KBTBD12: variants seen among roughly 807,000 people sequenced by gnomAD.
KBTBD12 encodes the protein kelch repeat and BTB domain-containing protein 12.
Under a neutral mutation model 58.7 loss-of-function variants are expected in KBTBD12, and 53 were observed. The observed-to-expected ratio is 0.90, with a 90% CI of 0.72 to 1.14. The LOEUF is 1.14. Among genes scored for constraint, KBTBD12 ranks in the 50% most tolerant of loss-of-function variants. KBTBD12 has a pLI of 0.00. For missense variants in KBTBD12, 704 were observed against 751.3 expected (o/e 0.94, Z 0.74); for synonymous variants, 236 against 259.8 (o/e 0.91, Z 0.88).
chr3:127,923,103 C>T lies in KBTBD12; in HGVS notation c.42C>T (p.Ser14=). Residue 14 remains serine, a synonymous_variant, in exon 2 of 6, where the codon AGC becomes AGT. Coordinates refer to ENST00000405109, the MANE Select transcript of KBTBD12 (RefSeq NM_207335.4). ...AGGGAAAAGAAAAATACCAACATAG[C>T]TTGAATTTACTGAATAAAATTCAGA... ...KIEGKEKYQH[S]LNLLNKIQNM... The T allele has an allele frequency of 1.2e-6, 2 of 1,611,136 alleles. No individual in the cohort carries two copies. Among genetic ancestry groups the T allele is most frequent in the Middle Eastern group, 1.7e-4 (1 of 6,030 alleles).
intron 4 of KBTBD12, among the ~76,000 whole-genome samples, chr3:127,932,047 A>C (rs996831716): frequency 7.2e-5 from 11 of 152,118 alleles, no homozygotes; most frequent in Admixed American, 5.2e-4. Context: ...GTTTTAGAAA[A>C]ACTTGTGAGA....
In KBTBD12 at chr3:127,963,681, A is replaced by T. The variant is rs1330080116; in HGVS notation, c.1690+295A>T. On this transcript the variant is annotated intron_variant, in intron 5 of 5. Coordinates refer to ENST00000405109, the MANE Select transcript of KBTBD12 (RefSeq NM_207335.4). ...AAACTAAGCAGGGTCGGGCCTGATTAGTACTTGGGTGGGAGAATTAAAAGG... is the reference window on the plus strand; with the variant it reads ...AAACTAAGCAGGGTCGGGCCTGATTTGTACTTGGGTGGGAGAATTAAAAGG... 6.3e-5 allele frequency: 18 copies of T among 286,956 alleles called. No homozygotes were observed. The East Asian group carries it at 1.3e-3, about 20-fold the overall frequency. The allele number at this position is 286,956 out of a possible 1,614,324, so 17.8% of individuals were successfully genotyped here.
intron 1 of KBTBD12, among the ~76,000 whole-genome samples, chr3:127,920,931 A>G (rs888249161): frequency 6.6e-6 from 1 of 152,098 alleles, no homozygotes; most frequent in African/African-American, 2.4e-5. Flanking sequence ...GAACATTTAT[A>G]CAGTTTTGTT....
At chr3:127,981,526 G>A (rs1940870957) in intron 5 of KBTBD12, among the ~76,000 whole-genome samples, 1 of 152,170 alleles carries the variant, frequency 6.6e-6, no homozygotes. Context: ...TCTGGGGATT[G>A]GGGATTTATT....
At chr3:127,973,351 G>A (rs1489354455) in intron 5 of KBTBD12, among the ~76,000 whole-genome samples, 1 of 152,260 alleles carries the variant, frequency 6.6e-6, no homozygotes, top group East Asian at 1.9e-4. Flanking sequence ...CAAGATGGGG[G>A]CCTTCCTAAA....
rs1357888798 is a variant in KBTBD12, at chr3:127,986,184, C to T, written c.*1906C>T. The T allele has an allele frequency of 3.3e-5, 5 of 152,552 alleles. No homozygotes were observed. The highest frequency in any genetic ancestry group is 1.2e-4 in the African/African-American group (5 of 41,412). The allele number at this position is 152,552 out of a possible 1,614,324, so 9.4% of individuals were successfully genotyped here. A position where few individuals can be genotyped will look rare whatever the true frequency, so the allele number is the denominator to read the frequency against. ...TGGGTTCAAGATCTGGGTTCCAGCCCCCGCTCTGCTACTTAGCTAACCATG... is the reference window on the plus strand; with the variant it reads ...TGGGTTCAAGATCTGGGTTCCAGCCTCCGCTCTGCTACTTAGCTAACCATG... On this transcript the variant is annotated 3_prime_UTR_variant, in exon 6 of 6. Coordinates refer to ENST00000405109, the MANE Select transcript of KBTBD12 (RefSeq NM_207335.4).
intron 1 of KBTBD12, among the ~76,000 whole-genome samples, chr3:127,917,948 G>C (rs187162452): frequency 1.3e-5 from 2 of 152,278 alleles, no homozygotes; most frequent in East Asian, 3.9e-4. Flanking sequence ...GGTGGCTCAA[G>C]CATATAATCC....
chr3:127,924,607 TA>T (rs1202417479), intron 2 of KBTBD12, among the ~76,000 whole-genome samples: 3 of 152,048 alleles, frequency 2.0e-5, no homozygotes, highest in Non-Finnish European at 4.4e-5. Flanking sequence ...GAAAGTTTAT[TA>T]AAACAGACTC....
intron 4 of KBTBD12, among the ~76,000 whole-genome samples, chr3:127,947,307 G>T (rs1940105245): frequency 6.6e-6 from 1 of 152,036 alleles, no homozygotes. Context: ...ATGGGCCAGG[G>T]TAAGTTGCAG....
chr3:127,932,770 A>G (rs900984808), intron 4 of KBTBD12, among the ~76,000 whole-genome samples: 6 of 152,318 alleles, frequency 3.9e-5, no homozygotes, highest in African/African-American at 1.4e-4. Context: ...TTAAGATAAT[A>G]TAAGTATAAT....
At chr3:127,953,086 G>T (rs1320387157) in intron 4 of KBTBD12, among the ~76,000 whole-genome samples, 1 of 152,212 alleles carries the variant, frequency 6.6e-6, no homozygotes, top group African/African-American at 2.4e-5. Context: ...TCATGCAGTT[G>T]TTGCAAAGCT....
chr3:127,959,129 G>A (rs1276961537), intron 4 of KBTBD12, among the ~76,000 whole-genome samples: 1 of 152,192 alleles, frequency 6.6e-6, no homozygotes, highest in Admixed American at 6.5e-5. Context: ...TCAGAGAGCT[G>A]ACAACTTGTG....
chr3:127,947,969 G>A (rs1175604738), intron 4 of KBTBD12, among the ~76,000 whole-genome samples: 1 of 152,132 alleles, frequency 6.6e-6, no homozygotes, highest in Non-Finnish European at 1.5e-5. Flanking sequence ...ATCCATGATC[G>A]TAATGATCAC....
chr3:127,925,784 C>A (rs575982180), intron 2 of KBTBD12, among the ~76,000 whole-genome samples: 2 of 152,170 alleles, frequency 1.3e-5, no homozygotes, highest in Non-Finnish European at 2.9e-5. Context: ...AATGAGACTT[C>A]CAGCTGATGT....
intron 1 of KBTBD12, among the ~76,000 whole-genome samples, chr3:127,920,486 C>T (rs1249393142): frequency 1.3e-5 from 2 of 150,642 alleles, no homozygotes; most frequent in Non-Finnish European, 3.0e-5. Flanking sequence ...CAAATTTTTG[C>T]TATTTCAAAC....
At chr3:127,916,710 A>AG (rs202134085) in intron 1 of KBTBD12, among the ~76,000 whole-genome samples, 1 of 148,460 alleles carries the variant, frequency 6.7e-6, no homozygotes, top group Non-Finnish European at 1.5e-5. Context: ...AAAAGCAAAA[A>AG]AAAAAAAAAA....
chr3:127,929,920 C>G (rs886507119), intron 3 of KBTBD12, among the ~76,000 whole-genome samples: 3 of 151,450 alleles, frequency 2.0e-5, no homozygotes, highest in Non-Finnish European at 4.4e-5. Context: ...TATAACCATG[C>G]ACCTTTGGCC....
intron 1 of KBTBD12, among the ~76,000 whole-genome samples, chr3:127,918,482 G>A (rs1458176556): frequency 6.6e-6 from 1 of 152,204 alleles, no homozygotes; most frequent in Non-Finnish European, 1.5e-5. Flanking sequence ...GGAGGCCGAG[G>A]CGGGCAGATC....
At position 127,923,844 on chromosome 3, in the gene KBTBD12, A is replaced by G; in HGVS notation, c.783A>G (p.Gln261=). 6.2e-7 allele frequency: 1 copy of G among 1,613,904 alleles called. No homozygotes were observed. Among genetic ancestry groups the G allele is most frequent in the Non-Finnish European group, 8.5e-7 (1 of 1,179,842 alleles). The change falls in exon 2 of 6, where the codon CAA becomes CAG. Residue 261 remains glutamine (Q), a synonymous_variant. Coordinates refer to ENST00000405109, the MANE Select transcript of KBTBD12 (RefSeq NM_207335.4). The stretch of plus-strand genomic sequence containing the variant: ...CATTCAAAGCCATCAAGACACCCCA[A>G]CAGCACTCTCTAAATCTGCGCTATG... The part of the protein sequence containing the change: ...QNAFKAIKTP[Q]QHSLNLRYGM...
Sources: gnomAD v4.1 joint callset for allele counts (sites outside exome capture counted in the v4.1 genomes callset) on GRCh38, gnomAD v4.1.1 for gene constraint, MANE v1.5 for transcripts, NCBI Gene and HGNC (gene_info 2026-07-23, HGNC 2026-07-21) for gene names.